Variants in STK39 observed in about 807,000 individuals in gnomAD.
The protein encoded by STK39 is STE20/SPS1-related proline-alanine-rich protein kinase.
STK39 carries 20 observed loss-of-function variants against 77.8 expected under a neutral mutation model. The ratio of observed to expected loss-of-function variants is 0.26; its 90% CI spans 0.18 to 0.37. The LOEUF is 0.37. Ranked by LOEUF, STK39 falls within the 10% of genes least tolerant of loss-of-function variation. The probability of loss-of-function intolerance (pLI) is 1.00; values close to 1 mark genes in which losing one functional copy is unlikely to be tolerated. For synonymous variants in STK39, 246 were observed against 234.1 expected (o/e 1.05, Z -0.47); for missense variants, 479 against 656.5 (o/e 0.73, Z 2.95).
intron 1 of STK39, among the ~76,000 whole-genome samples, chr2:168,240,607 T>C (rs758591582): frequency 2.0e-5 from 3 of 152,196 alleles, no homozygotes; most frequent in Non-Finnish European, 4.4e-5. Flanking sequence ...GGTTTTGCCC[T>C]TGAGGGCTCT....
intron 12 of STK39, among the ~76,000 whole-genome samples, chr2:168,066,247 G>C (rs1685792466): frequency 6.6e-6 from 1 of 152,216 alleles, no homozygotes; most frequent in African/African-American, 2.4e-5. Context: ...GTGTATTGAT[G>C]TCTGCAATTT....
rs557657003 is a variant in STK39 at position 168,083,272 on chromosome 2, T to C, written c.1090-8041A>G. On this transcript the variant is annotated intron_variant, in intron 10 of 17. Transcript: ENST00000355999. The stretch of plus-strand genomic sequence containing the variant: ...AGCTAAGAAGCTTTTGTCGATCCAA[T>C]TGGAATTTTGCCTATACCTCTATGT... Among the ~76,000 whole-genome samples, 316 of 151,844 alleles carry C rather than the reference T, an allele frequency of 2.1e-3. 2 individuals are homozygous for C. Among genetic ancestry groups the C allele is most frequent in the African/African-American group, 7.4e-3 (306 of 41,370 alleles).
intron 2 of STK39, among the ~76,000 whole-genome samples, chr2:168,180,098 G>C (rs1036636163): frequency 1.3e-5 from 2 of 152,296 alleles, no homozygotes; most frequent in Admixed American, 6.5e-5. Context: ...TGTAATCCCA[G>C]CACTGTGGGA....
intron 1 of STK39, among the ~76,000 whole-genome samples, chr2:168,223,010 A>C (rs1690213980): frequency 6.6e-6 from 1 of 152,140 alleles, no homozygotes; most frequent in African/African-American, 2.4e-5. Context: ...CACATTCATG[A>C]TCTTTAATCC....
chr2:167,999,554 T>C (rs1045129283), intron 16 of STK39, among the ~76,000 whole-genome samples: 1 of 152,086 alleles, frequency 6.6e-6, no homozygotes, highest in Non-Finnish European at 1.5e-5. Context: ...CTCTGCCTCC[T>C]GGGTTCACGC....
chr2:168,136,656 G>A (rs971483020), intron 8 of STK39, among the ~76,000 whole-genome samples: 1 of 152,122 alleles, frequency 6.6e-6, no homozygotes, highest in Non-Finnish European at 1.5e-5. Flanking sequence ...TTCTCTTGCT[G>A]GGCTATGAAG....
chr2:168,014,621 A>G (rs1684360820), intron 15 of STK39, among the ~76,000 whole-genome samples: 1 of 152,226 alleles, frequency 6.6e-6, no homozygotes, highest in Non-Finnish European at 1.5e-5. Context: ...ATTCAGTCTC[A>G]TAACTGGCAT....
At position 168,203,510 on chromosome 2, in the gene STK39, C is replaced by T. The variant is rs532954980; in HGVS notation, c.209-21420G>A. Reference sequence around the variant, plus strand: ...TTGGTCATATAAAGTTGGGGCTCCACAGACACCCACTCCTAGGAAGGTGCT... The same window carrying T: ...TTGGTCATATAAAGTTGGGGCTCCATAGACACCCACTCCTAGGAAGGTGCT... On this transcript the variant is annotated intron_variant, in intron 1 of 17. Transcript: ENST00000355999. Among the ~76,000 whole-genome samples, 6 of 152,218 alleles carry T rather than the reference C, an allele frequency of 3.9e-5. No individual in the cohort carries two copies. In the South Asian group the frequency reaches 1.2e-3, roughly 32 times the overall value.
chr2:168,226,260 G>A (rs1179248322), intron 1 of STK39, among the ~76,000 whole-genome samples: 2 of 152,020 alleles, frequency 1.3e-5, no homozygotes, highest in African/African-American at 2.4e-5. Flanking sequence ...CAGTCCATAT[G>A]CAGACATTTC....
In STK39 at chr2:168,129,553, T is replaced by C; in HGVS notation, c.1077A>G (p.Gln359=). Residue 359 remains glutamine, a synonymous_variant, in exon 10 of 18, where the codon CAA becomes CAG. Coordinates refer to ENST00000355999, the MANE Select transcript of STK39 (RefSeq NM_013233.3). ...TAATGGCACTTACCTTTTTGGCTCT[T>C]TGGGCTATGTCTGGTGTTCTTGTAA... is the stretch of plus-strand genomic sequence containing the variant. ...KLLTRTPDIA[Q]RAKKVRRVPG... The C allele has an allele frequency of 6.2e-7, 1 of 1,614,072 alleles. No individual in the cohort carries two copies. The highest frequency in any genetic ancestry group is 8.5e-7 in the Non-Finnish European group (1 of 1,179,946).
intron 14 of STK39, among the ~76,000 whole-genome samples, chr2:168,058,533 G>C (rs917880311): frequency 6.6e-6 from 1 of 152,156 alleles, no homozygotes; most frequent in Non-Finnish European, 1.5e-5. Context: ...TTGAAATCAT[G>C]CATCTAAATC....
chr2:168,191,294 G>A (rs180684542), intron 1 of STK39, among the ~76,000 whole-genome samples: 12 of 152,298 alleles, frequency 7.9e-5, no homozygotes, highest in African/African-American at 2.9e-4. Context: ...AGAGCTTGTG[G>A]GCTAAACAAG....
intron 1 of STK39, among the ~76,000 whole-genome samples, chr2:168,197,847 C>T (rs1245093408): frequency 1.3e-5 from 2 of 151,974 alleles, no homozygotes; most frequent in Admixed American, 6.6e-5. Context: ...ACCACCCTGG[C>T]CAACATGGTG....
At chr2:168,084,092 T>C (rs991503119) in intron 10 of STK39, among the ~76,000 whole-genome samples, 9 of 152,098 alleles carry the variant, frequency 5.9e-5, no homozygotes, top group African/African-American at 2.2e-4. Flanking sequence ...TGGGACAAAT[T>C]TGGCCTGTGA....
intron 7 of STK39, among the ~76,000 whole-genome samples, chr2:168,139,230 A>C (rs894910222): frequency 6.6e-6 from 1 of 152,090 alleles, no homozygotes; most frequent in African/African-American, 2.4e-5. Flanking sequence ...AAAGAAAGAA[A>C]ATGAAGAAAG....
At chr2:168,176,807 CAGT>C (rs1688966692) in intron 2 of STK39, among the ~76,000 whole-genome samples, 1 of 152,124 alleles carries the variant, frequency 6.6e-6, no homozygotes, top group South Asian at 2.1e-4. Context: ...TATGAATTTA[CAGT>C]AGATTTCTGC....
At chr2:168,087,268 T>C (rs931786157) in intron 10 of STK39, among the ~76,000 whole-genome samples, 10 of 152,144 alleles carry the variant, frequency 6.6e-5, no homozygotes, top group African/African-American at 1.7e-4. Context: ...CAACCAAATA[T>C]GGCTCCAGGC....
At chr2:167,993,572 C>T (rs917051160) in intron 16 of STK39, among the ~76,000 whole-genome samples, 4 of 152,074 alleles carry the variant, frequency 2.6e-5, no homozygotes, top group Admixed American at 6.6e-5. Flanking sequence ...TGTGGAGAGC[C>T]GGGCTAAGGG....
intron 1 of STK39, among the ~76,000 whole-genome samples, chr2:168,226,525 T>C (rs1690310235): frequency 6.6e-6 from 1 of 152,220 alleles, no homozygotes; most frequent in Admixed American, 6.5e-5. Flanking sequence ...ATAAACTTCA[T>C]CACACTTCAT....
Sources: gnomAD v4.1 joint callset for allele counts (sites outside exome capture counted in the v4.1 genomes callset) on GRCh38, gnomAD v4.1.1 for gene constraint, MANE v1.5 for transcripts, NCBI Gene and HGNC (gene_info 2026-07-23, HGNC 2026-07-21) for gene names.